Variants in TGFBR3 observed in about 807,000 individuals in gnomAD.
The protein encoded by TGFBR3 is transforming growth factor beta receptor 3.
In TGFBR3, 46 loss-of-function variants were observed where a neutral mutation model predicts 87.9. The observed-to-expected ratio is 0.52, with a 90% CI of 0.41 to 0.67. The LOEUF is 0.67. Ranked by LOEUF, TGFBR3 falls within the 30% of genes least tolerant of loss-of-function variation. The probability of loss-of-function intolerance (pLI) is 0.00; values close to 1 mark genes in which losing one functional copy is unlikely to be tolerated. For synonymous variants in TGFBR3, 381 were observed against 391.6 expected (o/e 0.97, Z 0.32); for missense variants, 866 against 1,041.9 (o/e 0.83, Z 2.32).
At chr1:91,692,505 CCCTT>C (rs1671299749) in intron 16 of TGFBR3, among the ~76,000 whole-genome samples, 1 of 152,020 alleles carries the variant, frequency 6.6e-6, no homozygotes, top group African/African-American at 2.4e-5. Context: ...ATTTGTTCCT[CCCTT>C]CAAGAAAAAA....
At position 91,851,992 on chromosome 1, in the gene TGFBR3, G is replaced by A. The variant is rs1447423741; in HGVS notation, c.61+9479C>T. Among the ~76,000 whole-genome samples the A allele has an allele frequency of 2.0e-5, 3 of 152,334 alleles. No individual in the cohort carries two copies. In the East Asian group the frequency reaches 5.8e-4, roughly 29 times the overall value. ...GGGCCAGGTACAGTGGCTCACGCCTGTAATCCTAGCACTTTGGGAGGCCAA... is the reference window on the plus strand; with the variant it reads ...GGGCCAGGTACAGTGGCTCACGCCTATAATCCTAGCACTTTGGGAGGCCAA... On this transcript the variant is annotated intron_variant, in intron 2 of 16. Transcript: ENST00000212355.
In TGFBR3 at chr1:91,861,622, C is replaced by T. The variant is rs752849826; in HGVS notation, c.-91G>A. 2 of 1,006,308 alleles carry T rather than the reference C, an allele frequency of 2.0e-6. No homozygotes were observed. Among genetic ancestry groups the T allele is most frequent in the Non-Finnish European group, 3.2e-6 (2 of 631,314 alleles). 62.3% of individuals were successfully genotyped at this position (1,006,308 alleles called of 1,614,324 possible). A position where few individuals can be genotyped will look rare whatever the true frequency, so the allele number is the denominator to read the frequency against. ...GCAAATCAGAAGTAGTCTTAAAGTC[C>T]CTCCTTGCAATTTTCAAACTGCCTG... On this transcript the variant is annotated 5_prime_UTR_variant, in exon 2 of 17. Coordinates refer to ENST00000212355, the MANE Select transcript of TGFBR3 (RefSeq NM_003243.5).
chr1:91,726,678 G>T (rs1472411761), intron 7 of TGFBR3, among the ~76,000 whole-genome samples: 1 of 151,254 alleles, frequency 6.6e-6, no homozygotes, highest in Non-Finnish European at 1.5e-5. Context: ...CACATGGAAG[G>T]TGCCATGAAT....
At chr1:91,812,803 G>A (rs1324707801) in intron 2 of TGFBR3, among the ~76,000 whole-genome samples, 2 of 152,094 alleles carry the variant, frequency 1.3e-5, no homozygotes. Context: ...TAGTAGAGAT[G>A]GGGTTTCACC....
chr1:91,875,434 T>C (rs72971038), intron 1 of TGFBR3, among the ~76,000 whole-genome samples: 3,336 of 151,824 alleles, frequency 0.022, 119 homozygotes, highest in African/African-American at 0.076. Context: ...GTTGGAAATA[T>C]GGGTGTGAAA....
Position 91,729,150 on chromosome 1 carries a change from T to TACACACACACAC in TGFBR3, c.737+643_737+654dup, listed in dbSNP as rs57364204. 1.0e-2 allele frequency among the ~76,000 whole-genome samples: 666 copies of TACACACACACAC among 66,896 alleles called. 55 individuals are homozygous for TACACACACACAC. Among genetic ancestry groups the TACACACACACAC allele is most frequent in the Non-Finnish European group, 0.013 (429 of 34,178 alleles). 43.9% of individuals were successfully genotyped at this position (66,896 alleles called of 152,430 possible). On this transcript the variant is annotated intron_variant, in intron 6 of 16. Coordinates refer to ENST00000212355, the MANE Select transcript of TGFBR3 (RefSeq NM_003243.5). Reference sequence around the variant, plus strand: ...GTCACCATGGAGGGCCACTCCAGCATACACACACACACACACACACACACA... The same window carrying TACACACACACAC: ...GTCACCATGGAGGGCCACTCCAGCATACACACACACACACACACACACACACACACACACACA...
chr1:91,758,759 C>G lies in TGFBR3; in HGVS notation c.247-9G>C. The G allele has an allele frequency of 1.2e-6, 2 of 1,613,780 alleles. No homozygotes were observed. The highest frequency in any genetic ancestry group is 1.7e-6 in the Non-Finnish European group (2 of 1,179,822). ...TTCAGGTGAAGTGTGACCTAGGAAGCAACAGAAAGAGGGCAGAAATCTTAG... is the reference window on the plus strand; with the variant it reads ...TTCAGGTGAAGTGTGACCTAGGAAGGAACAGAAAGAGGGCAGAAATCTTAG... On this transcript the variant is annotated splice_polypyrimidine_tract_variant and intron_variant, in intron 3 of 16. Coordinates refer to ENST00000212355, the MANE Select transcript of TGFBR3 (RefSeq NM_003243.5).
intron 3 of TGFBR3, among the ~76,000 whole-genome samples, chr1:91,767,024 C>G (rs1269565905): frequency 2.2e-5 from 3 of 133,938 alleles, no homozygotes; most frequent in African/African-American, 8.4e-5. Flanking sequence ...GAGTTTTCCC[C>G]CAGTTCAGCA....
rs1404928807 is a variant in TGFBR3 at position 91,885,942 on chromosome 1, TC to T, written c.-179del. 4.5e-6 allele frequency: 2 copies of T among 449,086 alleles called. No homozygotes were observed. The highest frequency in any genetic ancestry group is 8.9e-6 in the Non-Finnish European group (2 of 224,188). 27.8% of individuals were successfully genotyped at this position (449,086 alleles called of 1,614,324 possible). On this transcript the variant is annotated 5_prime_UTR_variant, in exon 1 of 17. Coordinates refer to ENST00000212355, the MANE Select transcript of TGFBR3 (RefSeq NM_003243.5). ...AGTTGGAGGAAAGCGGCGGCAAGTT[TC>T]CCCGCCCAGCGCTCGGCGGCGGCGA...
chr1:91,706,661 T>C (rs1671810893), intron 14 of TGFBR3, among the ~76,000 whole-genome samples: 1 of 152,062 alleles, frequency 6.6e-6, no homozygotes, highest in Admixed American at 6.6e-5. Context: ...GTCTATGGAG[T>C]AGCCATTCTT....
At chr1:91,787,385 C>T (rs1298702560) in intron 3 of TGFBR3, among the ~76,000 whole-genome samples, 1 of 152,104 alleles carries the variant, frequency 6.6e-6, no homozygotes, top group Non-Finnish European at 1.5e-5. Context: ...AATTAAGTAA[C>T]TCACCCAGGG....
intron 3 of TGFBR3, among the ~76,000 whole-genome samples, chr1:91,777,074 C>T (rs769585266): frequency 1.8e-4 from 28 of 152,338 alleles, no homozygotes; most frequent in Non-Finnish European, 3.7e-4. Flanking sequence ...GCCTTTCCTC[C>T]CTGGCAGGTA....
At chr1:91,888,149 T>C (rs2479872), upstream of TGFBR3, among the ~76,000 whole-genome samples, 139,447 of 152,156 alleles carry the variant, frequency 0.92, 64,610 homozygotes, top group Non-Finnish European at 0.99. Flanking sequence ...GGAGTCTCCG[T>C]GTACCAGCTC....
intron 5 of TGFBR3, among the ~76,000 whole-genome samples, chr1:91,730,574 A>G (rs1169460681): frequency 6.6e-6 from 1 of 152,124 alleles, no homozygotes; most frequent in Non-Finnish European, 1.5e-5. Flanking sequence ...TAAAAATCCA[A>G]TACTTATGTA....
intron 2 of TGFBR3, chr1:91,801,014 C>T (rs777731242): frequency 2.0e-4 from 41 of 208,998 alleles, no homozygotes; most frequent in Non-Finnish European, 1.8e-4. Flanking sequence ...ACCCGGGAGG[C>T]GGAGGTTGCA....
chr1:91,884,976 C>G (rs966661768), intron 1 of TGFBR3, among the ~76,000 whole-genome samples: 1 of 152,256 alleles, frequency 6.6e-6, no homozygotes, highest in African/African-American at 2.4e-5. Flanking sequence ...ATCCTGCCAC[C>G]GCAGGGCTAG....
upstream of TGFBR3, chr1:91,886,212 G>T (rs1318197190): frequency 4.4e-6 from 2 of 452,332 alleles, no homozygotes; most frequent in Admixed American, 2.4e-5. Context: ...GCGGGGACGG[G>T]CAGGACGCCA....
chr1:91,788,107 C>T (rs889154461), intron 3 of TGFBR3, among the ~76,000 whole-genome samples: 1 of 152,178 alleles, frequency 6.6e-6, no homozygotes, highest in Non-Finnish European at 1.5e-5. Flanking sequence ...AAGAGTGGGG[C>T]AGGCAGATGT....
Position 91,861,557 on chromosome 1 carries a change from G to A in TGFBR3, c.-26C>T, listed in dbSNP as rs376626057. The A allele has an allele frequency of 4.6e-5, 73 of 1,595,398 alleles. No individual in the cohort carries two copies. The highest frequency in any genetic ancestry group is 5.6e-5 in the Non-Finnish European group (65 of 1,163,192). On this transcript the variant is annotated 5_prime_UTR_variant, in exon 2 of 17. In the 5' UTR this introduces an upstream ATG that the reference lacks. Transcript: ENST00000212355. ...TTTTATTTCTCCAACAGTGCGTCTC[G>A]TCCAGTCACTTCAGCCTGCTCAGAG...
Sources: gnomAD v4.1 joint callset for allele counts (sites outside exome capture counted in the v4.1 genomes callset) on GRCh38, gnomAD v4.1.1 for gene constraint, MANE v1.5 for transcripts, NCBI Gene and HGNC (gene_info 2026-07-23, HGNC 2026-07-21) for gene names.